The following NPSR1 variants were observed in gnomAD, a reference collection of about 807,000 sequenced individuals.
NPSR1 encodes the protein neuropeptide S receptor.
In NPSR1, 48 loss-of-function variants were observed where a neutral mutation model predicts 46.9. The ratio of observed to expected loss-of-function variants is 1.02; its 90% CI spans 0.81 to 1.30. NPSR1 has a LOEUF of 1.30. NPSR1 is among the 50% of genes most tolerant of loss of function. NPSR1 has a pLI of 0.00. For missense variants in NPSR1, 450 were observed against 449.5 expected (o/e 1.00, Z -0.01); for synonymous variants, 176 against 168.1 (o/e 1.05, Z -0.36).
At chr7:34,768,637 A>G (rs1441052648) in intron 2 of NPSR1, among the ~76,000 whole-genome samples, 1 of 152,202 alleles carries the variant, frequency 6.6e-6, no homozygotes, top group Non-Finnish European at 1.5e-5. Flanking sequence ...ATATGTAAGA[A>G]TTTGTATAAT....
chr7:34,855,082 T>C (rs1169761779), intron 8 of NPSR1, among the ~76,000 whole-genome samples: 1 of 152,122 alleles, frequency 6.6e-6, no homozygotes, highest in Non-Finnish European at 1.5e-5. Context: ...AAAACAATTG[T>C]ACTGAATGTT....
chr7:34,812,422 G>A (rs902843241), intron 4 of NPSR1, among the ~76,000 whole-genome samples: 3 of 152,170 alleles, frequency 2.0e-5, no homozygotes, highest in African/African-American at 7.2e-5. Context: ...AGACCACACA[G>A]CCCACAAAAC....
intron 2 of NPSR1, among the ~76,000 whole-genome samples, chr7:34,716,266 G>C (rs1225967311): frequency 1.3e-5 from 2 of 152,126 alleles, no homozygotes; most frequent in African/African-American, 4.8e-5. Context: ...AGAGGAAATG[G>C]ACAGACATAT....
chr7:34,688,206 A>G (rs1793035508), intron 2 of NPSR1, among the ~76,000 whole-genome samples: 1 of 152,216 alleles, frequency 6.6e-6, no homozygotes, highest in Non-Finnish European at 1.5e-5. Context: ...GTGCAAAAAT[A>G]AATCTTCTTT....
intron 2 of NPSR1, among the ~76,000 whole-genome samples, chr7:34,765,719 T>A (rs922827024): frequency 3.3e-5 from 5 of 152,194 alleles, no homozygotes; most frequent in African/African-American, 1.2e-4. Context: ...TACTATGCAG[T>A]CGTAGAAAAG....
At chr7:34,718,598 C>G (rs984040174) in intron 2 of NPSR1, among the ~76,000 whole-genome samples, 6 of 152,132 alleles carry the variant, frequency 3.9e-5, no homozygotes, top group African/African-American at 1.4e-4. Flanking sequence ...GTCAATACAG[C>G]CTCTTCCTTG....
At chr7:34,765,629 A>C (rs1051033010) in intron 2 of NPSR1, among the ~76,000 whole-genome samples, 35 of 152,240 alleles carry the variant, frequency 2.3e-4, no homozygotes, top group African/African-American at 8.4e-4. Context: ...TATATTCATC[A>C]TAGCACTATG....
chr7:34,753,222 C>A (rs1157029484), intron 2 of NPSR1, among the ~76,000 whole-genome samples: 3 of 152,116 alleles, frequency 2.0e-5, no homozygotes, highest in African/African-American at 7.2e-5. Context: ...TTTGGAGATG[C>A]TGATGCTGCC....
chr7:34,790,724 TTATATGTTATATGTTATATATAA>T (rs1562729240), intron 3 of NPSR1, among the ~76,000 whole-genome samples: 31 of 112,812 alleles, frequency 2.7e-4, no homozygotes, highest in Admixed American at 3.4e-4. Context: ...ATAATATATG[TTATATGTTATATGTTATATATAA>T]TATATGTTAT....
intron 2 of NPSR1, among the ~76,000 whole-genome samples, chr7:34,715,015 A>G (rs1015333223): frequency 2.0e-5 from 3 of 152,220 alleles, no homozygotes; most frequent in Admixed American, 6.5e-5. Flanking sequence ...AACACAAATG[A>G]CAAATTCCAT....
At chr7:34,708,163 G>A (rs995022231) in intron 2 of NPSR1, among the ~76,000 whole-genome samples, 1 of 152,110 alleles carries the variant, frequency 6.6e-6, no homozygotes, top group African/African-American at 2.4e-5. Flanking sequence ...TAGGGGAGAT[G>A]CAATTCAGCC....
chr7:34,734,803 C>T (rs1784591780), intron 2 of NPSR1, among the ~76,000 whole-genome samples: 1 of 152,226 alleles, frequency 6.6e-6, no homozygotes, highest in African/African-American at 2.4e-5. Context: ...TAAATGACCA[C>T]AAAGTTTGAT....
At chr7:34,763,651 T>G (rs997666285) in intron 2 of NPSR1, among the ~76,000 whole-genome samples, 1 of 152,172 alleles carries the variant, frequency 6.6e-6, no homozygotes, top group African/African-American at 2.4e-5. Context: ...AATTAAACCT[T>G]GAGGAAATGG....
intron 3 of NPSR1, among the ~76,000 whole-genome samples, chr7:34,789,206 A>G (rs1414226032): frequency 2.0e-5 from 3 of 152,046 alleles, no homozygotes; most frequent in African/African-American, 7.2e-5. Context: ...AAGATTTAAA[A>G]TAAATAACCT....
chr7:34,777,066 C>T (rs899083297), intron 2 of NPSR1, among the ~76,000 whole-genome samples: 1 of 152,154 alleles, frequency 6.6e-6, no homozygotes, highest in African/African-American at 2.4e-5. Flanking sequence ...CCAGAACTCC[C>T]TTAGCCACCC....
chr7:34,751,218 C>A (rs1166428652), intron 2 of NPSR1: 1 of 1,120,724 alleles, frequency 8.9e-7, no homozygotes, highest in Non-Finnish European at 1.4e-6. Flanking sequence ...TGGCCAGATC[C>A]CCAGTGGCAA....
chr7:34,851,690 G>A (rs1203781794), downstream of NPSR1, among the ~76,000 whole-genome samples: 1 of 152,170 alleles, frequency 6.6e-6, no homozygotes, highest in Non-Finnish European at 1.5e-5. Flanking sequence ...CTTGACAGAT[G>A]CTTTAATTCT....
chr7:34,742,355 T>C (rs904669008), intron 2 of NPSR1, among the ~76,000 whole-genome samples: 1 of 152,188 alleles, frequency 6.6e-6, no homozygotes, highest in African/African-American at 2.4e-5. Context: ...GTGTCTTGTG[T>C]CTCCTTCTTT....
intron 2 of NPSR1, chr7:34,753,659 G>A (rs891789556): frequency 2.0e-5 from 3 of 151,994 alleles, no homozygotes; most frequent in African/African-American, 7.3e-5. Flanking sequence ...ATCAGCAGTG[G>A]GATTATGCCA....
Sources: allele counts gnomAD v4.1 joint callset (sites outside exome capture counted in the v4.1 genomes callset), GRCh38; gene constraint gnomAD v4.1.1; transcripts MANE v1.5; gene names NCBI Gene and HGNC (gene_info 2026-07-23, HGNC 2026-07-21).